Variants in TAFA2 observed in about 807,000 individuals in gnomAD.
TAFA2 encodes the protein TAFA chemokine like family member 2, also known as chemokine-like protein TAFA-2.
In TAFA2, 7 loss-of-function variants were observed where a neutral mutation model predicts 18.8. The observed-to-expected ratio is 0.37, with a 90% CI of 0.21 to 0.70. TAFA2 has a LOEUF of 0.70. TAFA2 is among the 30% of genes least tolerant of loss of function. The pLI, the probability that TAFA2 is intolerant of heterozygous loss-of-function variation, is 0.53. For missense variants in TAFA2, 122 were observed against 158.1 expected, an observed-to-expected ratio of 0.77 and a Z score of 1.23; for synonymous variants, 60 against 54.2, an observed-to-expected ratio of 1.11 and a Z score of -0.47.
chr12:62,215,854 G>C (rs934026276), intron 1 of TAFA2, among the ~76,000 whole-genome samples: 1 of 151,502 alleles, frequency 6.6e-6, no homozygotes, highest in Non-Finnish European at 1.5e-5. Context: ...TTATATAATA[G>C]CAGCTACTCT....
chr12:61,862,491 C>G (rs918227049), intron 2 of TAFA2, among the ~76,000 whole-genome samples: 2 of 152,196 alleles, frequency 1.3e-5, no homozygotes, highest in Non-Finnish European at 2.9e-5. Flanking sequence ...CTACAGTGTT[C>G]CTACATCATG....
At chr12:61,747,001 G>A (rs1036274524) in intron 4 of TAFA2, among the ~76,000 whole-genome samples, 2 of 151,960 alleles carry the variant, frequency 1.3e-5, no homozygotes, top group African/African-American at 2.4e-5. Context: ...AATCTACAAT[G>A]AGCTCAAACA....
intron 1 of TAFA2, among the ~76,000 whole-genome samples, chr12:61,939,323 G>T (rs913368581): frequency 1.3e-5 from 2 of 151,960 alleles, no homozygotes; most frequent in Non-Finnish European, 2.9e-5. Flanking sequence ...AATATGACTG[G>T]TTAGATTTCT....
chr12:62,054,152 G>A (rs375126040), intron 1 of TAFA2, among the ~76,000 whole-genome samples: 1 of 152,274 alleles, frequency 6.6e-6, no homozygotes, highest in East Asian at 1.9e-4. Flanking sequence ...CTAAAGCAAT[G>A]TTTTGTGTCA....
intron 1 of TAFA2, among the ~76,000 whole-genome samples, chr12:61,921,431 G>A (rs1877048978): frequency 6.6e-6 from 1 of 152,150 alleles, no homozygotes; most frequent in African/African-American, 2.4e-5. Flanking sequence ...GATTCAAGGA[G>A]GACCTTAAAA....
intron 1 of TAFA2, among the ~76,000 whole-genome samples, chr12:62,097,782 T>C (rs1324931202): frequency 6.6e-6 from 1 of 152,146 alleles, no homozygotes; most frequent in African/African-American, 2.4e-5. Flanking sequence ...AAAGCTTGAC[T>C]TAGAGGCACT....
chr12:61,818,343 G>A (rs2121037209), intron 2 of TAFA2, among the ~76,000 whole-genome samples: 1 of 152,012 alleles, frequency 6.6e-6, no homozygotes, highest in South Asian at 2.1e-4. Context: ...ATTTGCTTGG[G>A]ATAAGTAACA....
intron 2 of TAFA2, among the ~76,000 whole-genome samples, chr12:61,805,271 T>A (rs1425567633): frequency 1.3e-5 from 2 of 152,038 alleles, no homozygotes; most frequent in African/African-American, 2.4e-5. Flanking sequence ...TTTCAAAATA[T>A]ATTAGCAGTT....
At chr12:61,874,732 A>T (rs952796067) in intron 1 of TAFA2, among the ~76,000 whole-genome samples, 4 of 152,308 alleles carry the variant, frequency 2.6e-5, no homozygotes, top group African/African-American at 9.6e-5. Flanking sequence ...CATCCAAAAC[A>T]GAAGACAATG....
chr12:62,218,959 T>C (rs966849670), intron 1 of TAFA2, among the ~76,000 whole-genome samples: 2 of 152,148 alleles, frequency 1.3e-5, no homozygotes, highest in Non-Finnish European at 1.5e-5. Flanking sequence ...TTTGAGATGA[T>C]AGAATTAAAA....
At chr12:62,200,032 G>A (rs1010508716) in intron 1 of TAFA2, among the ~76,000 whole-genome samples, 1 of 152,086 alleles carries the variant, frequency 6.6e-6, no homozygotes, top group Non-Finnish European at 1.5e-5. Context: ...TCACATGCTT[G>A]TTAGTTGCAT....
At chr12:61,988,231 AT>A (rs1020568304) in intron 1 of TAFA2, among the ~76,000 whole-genome samples, 1 of 152,102 alleles carries the variant, frequency 6.6e-6, no homozygotes, top group African/African-American at 2.4e-5. Flanking sequence ...TCCTTTTCCC[AT>A]GTAATATATT....
At chr12:62,161,798 CT>C (rs2062408831) in intron 1 of TAFA2, among the ~76,000 whole-genome samples, 1 of 151,972 alleles carries the variant, frequency 6.6e-6, no homozygotes, top group Non-Finnish European at 1.5e-5. Flanking sequence ...TTTTATTAAT[CT>C]TTCTTAAATG....
intron 1 of TAFA2, among the ~76,000 whole-genome samples, chr12:61,878,810 T>C (rs889200062): frequency 1.3e-5 from 2 of 152,202 alleles, no homozygotes; most frequent in African/African-American, 2.4e-5. Context: ...CCATACAGTA[T>C]AGTTCTATTT....
At chr12:62,011,765 A>AG (rs1265545858) in intron 1 of TAFA2, among the ~76,000 whole-genome samples, 2 of 134,672 alleles carry the variant, frequency 1.5e-5, no homozygotes, top group African/African-American at 5.5e-5. Context: ...AAAAAAAAAA[A>AG]AAAAGAAAAG....
chr12:62,219,915 T>C (rs1481376232), intron 1 of TAFA2, among the ~76,000 whole-genome samples: 1 of 152,172 alleles, frequency 6.6e-6, no homozygotes, highest in Non-Finnish European at 1.5e-5. Flanking sequence ...TTAAACCCAG[T>C]GATCAGCAGA....
intron 1 of TAFA2, among the ~76,000 whole-genome samples, chr12:62,175,883 T>TA (rs1491279662): frequency 7.0e-4 from 1 of 1,428 alleles, no homozygotes; most frequent in African/African-American, 4.5e-3. Context: ...TATATATATA[T>TA]TAAATTACAA....
At chr12:61,712,319 T>C (rs1869448998) in intron 4 of TAFA2, among the ~76,000 whole-genome samples, 1 of 152,166 alleles carries the variant, frequency 6.6e-6, no homozygotes, top group Non-Finnish European at 1.5e-5. Context: ...AATATTTGAC[T>C]CTACTAGTTT....
At chr12:61,762,822 A>C (rs11174164) in intron 2 of TAFA2, among the ~76,000 whole-genome samples, 9,555 of 151,924 alleles carry the variant, frequency 0.063, 1,001 homozygotes, top group African/African-American at 0.22. Context: ...CTCATTGATT[A>C]TGAAATTTTG....
Sources: gnomAD v4.1 joint callset for allele counts (sites outside exome capture counted in the v4.1 genomes callset) on GRCh38, gnomAD v4.1.1 for gene constraint, MANE v1.5 for transcripts, NCBI Gene and HGNC (gene_info 2026-07-23, HGNC 2026-07-21) for gene names.